TBC1D17: variants seen among roughly 807,000 people sequenced by gnomAD.
TBC1D17 encodes TBC1 domain family, member 17.
In TBC1D17, 69 loss-of-function variants were observed where a neutral mutation model predicts 78.8. The ratio of observed to expected loss-of-function variants is 0.88; its 90% CI spans 0.72 to 1.07. TBC1D17 has a LOEUF of 1.07. Ranked by LOEUF, TBC1D17 falls within the 50% of genes least tolerant of loss-of-function variation. The pLI is 0.00. For missense variants in TBC1D17, 957 were observed against 861.0 expected (o/e 1.11, Z -1.39); for synonymous variants, 456 against 358.3 (o/e 1.27, Z -3.08).
At chr19:49,882,635 G>A in intron 7 of TBC1D17, 129 bp from the exon 8 acceptor site, 1 of 1,414,052 alleles carries the variant, frequency 7.1e-7, no homozygotes. Flanking sequence ...CCCCGGAAGA[G>A]GCTGCTGCCT....
In TBC1D17 at chr19:49,885,995, A is replaced by G. The variant is rs1031669540; in HGVS notation, c.1444+1237A>G. Among the ~76,000 whole-genome samples, 5 of 147,722 alleles carry G rather than the reference A, an allele frequency of 3.4e-5. No individual in the cohort carries two copies. In the South Asian group the frequency reaches 1.1e-3, roughly 32 times the overall value. ...GCCTCAAAAAAAAAAAAAAAAAAAA[A>G]AAAGGTCGGGTGTGGTGGCTCACGC... On this transcript the variant is annotated intron_variant, in intron 13 of 16. Transcript: ENST00000221543.
chr19:49,884,197 C>T (rs916692698), intron 10 of TBC1D17, 56 bp from the exon 11 acceptor site: 2 of 1,510,260 alleles, frequency 1.3e-6, no homozygotes, highest in Admixed American at 1.7e-5. Flanking sequence ...TGGTGGCCAG[C>T]AGGGATGGGC....
chr19:49,883,611 A>C, intron 9 of TBC1D17, 40 bp from the exon 10 acceptor site: 1 of 1,582,758 alleles, frequency 6.3e-7, no homozygotes, highest in Non-Finnish European at 8.7e-7. Flanking sequence ...GGTGTTGCAG[A>C]CAGTGGCGGC....
chr19:49,884,170 G>A (rs760786626), intron 10 of TBC1D17, 83 bp from the exon 11 acceptor site: 75 of 1,248,002 alleles, frequency 6.0e-5, no homozygotes, highest in Non-Finnish European at 8.6e-5. Flanking sequence ...AGCAGGAGGA[G>A]CAGTGGGGGC....
In TBC1D17 at chr19:49,884,735, A is replaced by C; in HGVS notation, c.1421A>C (p.Asp474Ala). 6.2e-7 allele frequency: 1 copy of C among 1,613,336 alleles called. No homozygotes were observed. Among genetic ancestry groups the C allele is most frequent in the Non-Finnish European group, 8.5e-7 (1 of 1,179,868 alleles). ...GRLLLLLRVL[D>A]PLLCDFLDSQ... Reference sequence around the variant, plus strand: ...CTGCTGCTGCTCCTGAGGGTGCTGGACCCCCTGCTCTGCGACTTCCTGGGT... The same window carrying C: ...CTGCTGCTGCTCCTGAGGGTGCTGGCCCCCCTGCTCTGCGACTTCCTGGGT... Residue 474 changes from aspartate (D) to alanine (A), a missense_variant, in exon 13 of 17, where the codon GAC becomes GCC. Transcript: ENST00000221543.
At chr19:49,881,892 G>A in intron 5 of TBC1D17, 149 bp from the exon 6 acceptor site, 2 of 739,020 alleles carry the variant, frequency 2.7e-6, no homozygotes, top group Admixed American at 2.1e-5. Context: ...TCCAGCTGTG[G>A]GCCTCCTTTA....
chr19:49,881,023 G>A (rs576665549), intron 4 of TBC1D17, among the ~76,000 whole-genome samples: 7 of 152,284 alleles, frequency 4.6e-5, no homozygotes, highest in Non-Finnish European at 8.8e-5. Context: ...CCAGGTTGAG[G>A]AATAGGGCCC....
intron 3 of TBC1D17, 26 bp from the exon 4 acceptor site, chr19:49,880,253 A>G: frequency 6.2e-7 from 1 of 1,612,806 alleles, no homozygotes; most frequent in Non-Finnish European, 8.5e-7. Flanking sequence ...ATGGCCCCTT[A>G]CTGTCTGCTC....
chr19:49,882,927 G>C (rs374659155), intron 8 of TBC1D17, 35 bp downstream of exon 8: 90 of 1,598,440 alleles, frequency 5.6e-5, no homozygotes, highest in Non-Finnish European at 7.7e-5. Context: ...ATGGGGCAGG[G>C]CCAGAACAAG....
rs767618749 is a variant in TBC1D17, at chr19:49,881,258, G to A, written c.320-10G>A. The A allele has an allele frequency of 1.7e-5, 27 of 1,609,072 alleles. No individual in the cohort carries two copies. The highest frequency in any genetic ancestry group is 1.6e-4 in the East Asian group (7 of 44,802). On this transcript the variant is annotated splice_polypyrimidine_tract_variant and intron_variant, in intron 4 of 16. Transcript: ENST00000221543. ...CACGCGCTTCCCCCAACACAGTGCC[G>A]TCTCCCTAGGTGCAGAGCCCAGCTG...
intron 9 of TBC1D17, among the ~76,000 whole-genome samples, chr19:49,883,387 A>G (rs1192985260): frequency 1.3e-5 from 2 of 152,206 alleles, no homozygotes; most frequent in African/African-American, 4.8e-5. Context: ...AGGATGCAGC[A>G]GTGCTGGACG....
At chr19:49,888,363 AC>A (rs2075083211) in intron 16 of TBC1D17, 46 bp downstream of exon 16, 2 of 971,588 alleles carry the variant, frequency 2.1e-6, no homozygotes, top group African/African-American at 2.2e-5. Flanking sequence ...ACCCCGACCG[AC>A]CCCCGCCCCC....
chr19:49,880,830 G>C (rs1313562575), intron 4 of TBC1D17, among the ~76,000 whole-genome samples: 1 of 152,238 alleles, frequency 6.6e-6, no homozygotes, highest in Non-Finnish European at 1.5e-5. Context: ...TTGGCACTGA[G>C]GGACTCTTGG....
chr19:49,877,926 C>T, intron 1 of TBC1D17, 182 bp downstream of exon 1: 2 of 775,598 alleles, frequency 2.6e-6, no homozygotes, highest in East Asian at 2.8e-5. Context: ...CATGGCCCCG[C>T]CCCCCCGGCT....
chr19:49,884,725 A>T lies in TBC1D17; in HGVS notation c.1411A>T (p.Arg471Trp). 1 of 1,613,888 alleles carries T rather than the reference A, an allele frequency of 6.2e-7. No individual in the cohort carries two copies. The highest frequency in any genetic ancestry group is 8.5e-7 in the Non-Finnish European group (1 of 1,179,980). The change falls in exon 13 of 17, where the codon AGG (arginine) becomes TGG (tryptophan). Residue 471 changes from arginine (R) to tryptophan (W), a missense_variant. Physicochemically the swap from Arg to Trp is moderately radical, Grantham distance 101 (BLOSUM62 -3). Coordinates refer to ENST00000221543, the MANE Select transcript of TBC1D17 (RefSeq NM_024682.3). ...RQLGRLLLLL[R>W]VLDPLLCDFL... Reference sequence around the variant, plus strand: ...ACTCGGGCGACTGCTGCTGCTCCTGAGGGTGCTGGACCCCCTGCTCTGCGA... The same window carrying T: ...ACTCGGGCGACTGCTGCTGCTCCTGTGGGTGCTGGACCCCCTGCTCTGCGA...
chr19:49,886,230 G>C lies in TBC1D17; in HGVS notation c.1445-1246G>C, dbSNP rs541627444. Among the ~76,000 whole-genome samples, 5 of 152,268 alleles carry C rather than the reference G, an allele frequency of 3.3e-5. No individual in the cohort carries two copies. The South Asian group carries it at 1.0e-3, about 32-fold the overall frequency. ...AGGTTGCACCACTGCATTCCAGCCTGGGCGACAGAGCGAGACTTTGTCTCA... is the reference window on the plus strand; with the variant it reads ...AGGTTGCACCACTGCATTCCAGCCTCGGCGACAGAGCGAGACTTTGTCTCA... On this transcript the variant is annotated intron_variant, in intron 13 of 16. Coordinates refer to ENST00000221543, the MANE Select transcript of TBC1D17 (RefSeq NM_024682.3).
intron 13 of TBC1D17, among the ~76,000 whole-genome samples, chr19:49,886,208 T>G (rs1662965854): frequency 6.6e-6 from 1 of 151,976 alleles, no homozygotes; most frequent in Admixed American, 6.6e-5. Flanking sequence ...TGAGCCAAGG[T>G]TGCACCACTG....
intron 10 of TBC1D17, 59 bp from the exon 11 acceptor site, chr19:49,884,194 C>A: frequency 6.7e-7 from 1 of 1,502,136 alleles, no homozygotes; most frequent in Non-Finnish European, 9.2e-7. Context: ...CACTGGTGGC[C>A]AGCAGGGATG....
At position 49,888,585 on chromosome 19, in the gene TBC1D17, G is replaced by T; in HGVS notation, c.1908G>T (p.Glu636Asp). The T allele has an allele frequency of 6.5e-7, 1 of 1,536,490 alleles. No homozygotes were observed. Among genetic ancestry groups the T allele is most frequent in the Non-Finnish European group, 8.7e-7 (1 of 1,146,050 alleles). ...CCCCGCAGCCCGACAGCAGCCTGGA[G>T]ATCCTGCCCGAGGAGGAGGACGAGG... Reference protein sequence around the residue: ...DTAPQPDSSLEILPEEEDEGA... With the variant: ...DTAPQPDSSLDILPEEEDEGA... Residue 636 changes from glutamate to aspartate, a missense_variant, in exon 17 of 17, where the codon GAG becomes GAT. Transcript: ENST00000221543.
Sources: allele counts gnomAD v4.1 joint callset (sites outside exome capture counted in the v4.1 genomes callset), GRCh38; gene constraint gnomAD v4.1.1; transcripts MANE v1.5; gene names NCBI Gene and HGNC (gene_info 2026-07-23, HGNC 2026-07-21).